LRP2: variants seen among roughly 807,000 people sequenced by gnomAD.
The protein encoded by LRP2 is LDL receptor related protein 2, also known as low-density lipoprotein receptor-related protein 2.
In LRP2, 172 loss-of-function variants were observed where a neutral mutation model predicts 531.0. The observed-to-expected ratio is 0.32, with a 90% CI of 0.29 to 0.37. The LOEUF (loss-of-function observed/expected upper bound fraction) is 0.37. Among genes scored for constraint, LRP2 ranks in the 10% least tolerant of loss-of-function variants. The pLI is 1.00. For synonymous variants in LRP2, 1,992 were observed against 2,027.6 expected (o/e 0.98, Z 0.47); for missense variants, 5,167 against 5,868.3 (o/e 0.88, Z 3.90).
At chr2:169,353,893 A>G (rs926607292) in intron 1 of LRP2, among the ~76,000 whole-genome samples, 5 of 152,208 alleles carry the variant, frequency 3.3e-5, no homozygotes, top group Non-Finnish European at 5.9e-5. Context: ...TGTGGGGTTA[A>G]GCGGAGAGGA....
In LRP2 at chr2:169,176,422, A is replaced by C; in HGVS notation, c.10560T>G (p.Ala3520=). ...AAAGAGAGCCTTACTTTTCATTGTT[A>C]GCGCACAGGAACTGGGTGCTGGAGC... ...PMCSSTQFLC[A]NNEKCIPIWW... The change falls in exon 54 of 79, where the codon GCT becomes GCG. Residue 3520 remains alanine (A), a synonymous_variant. Transcript: ENST00000649046. 6.2e-7 allele frequency: 1 copy of C among 1,614,198 alleles called. No individual in the cohort carries two copies. Among genetic ancestry groups the C allele is most frequent in the Non-Finnish European group, 8.5e-7 (1 of 1,180,026 alleles).
intron 68 of LRP2, among the ~76,000 whole-genome samples, chr2:169,149,148 C>T (rs1686032289): frequency 6.6e-6 from 1 of 152,276 alleles, no homozygotes; most frequent in East Asian, 1.9e-4. Context: ...GGATAGAAAC[C>T]TATGACTAAT....
intron 10 of LRP2, among the ~76,000 whole-genome samples, chr2:169,282,021 C>A (rs1363825798): frequency 6.6e-6 from 1 of 152,088 alleles, no homozygotes; most frequent in Non-Finnish European, 1.5e-5. Context: ...CACTACATAT[C>A]TTCTTATAAT....
chr2:169,207,220 G>A lies in LRP2; in HGVS notation c.6500C>T (p.Ser2167Phe). 1 of 1,614,040 alleles carries A rather than the reference G, an allele frequency of 6.2e-7. No individual in the cohort carries two copies. The highest frequency in any genetic ancestry group is 8.5e-7 in the Non-Finnish European group (1 of 1,179,958). Residue 2167 changes from serine (S) to phenylalanine (F), a missense_variant, in exon 39 of 79, where the codon TCT (serine) becomes TTT (phenylalanine). Ser to Phe is a radical substitution (Grantham distance 155, BLOSUM62 -2). Transcript: ENST00000649046. ...CCGCAGAACTTCTATCAGTGTTTCA[G>A]AAACAAAGGCATTGGTGAAATAAAG... ...GNLYFTNAFV[S>F]ETLIEVLRIN...
chr2:169,312,868 A>G (rs10177180), intron 3 of LRP2, among the ~76,000 whole-genome samples: 49,553 of 152,048 alleles, frequency 0.33, 8,519 homozygotes, highest in African/African-American at 0.45. Flanking sequence ...GTCGTTTCAC[A>G]TAGTCCCATA....
rs1311796528 is a variant in LRP2 at position 169,361,392 on chromosome 2, CTCTG to C, written c.79+925_79+928del. ...TCTCTCTCTCCCTCTCTCTCTCTCTCTCTGTCTCTCTCCTCTCTCTCCTCTCTCT... is the reference window on the plus strand; with the variant it reads ...TCTCTCTCTCCCTCTCTCTCTCTCTCTCTCTCTCCTCTCTCTCCTCTCTCT... On this transcript the variant is annotated intron_variant, in intron 1 of 78. Coordinates refer to ENST00000649046, the MANE Select transcript of LRP2 (RefSeq NM_004525.3). 4.4e-3 allele frequency among the ~76,000 whole-genome samples: 622 copies of C among 141,102 alleles called. 18 individuals carry two copies. Among genetic ancestry groups the C allele is most frequent in the Non-Finnish European group, 4.8e-3 (315 of 65,318 alleles). The allele number at this position is 141,102 out of a possible 152,430, so 92.6% of individuals were successfully genotyped here.
chr2:169,133,615 A>G (rs1048319622), intron 76 of LRP2, among the ~76,000 whole-genome samples: 43 of 152,284 alleles, frequency 2.8e-4, no homozygotes, highest in East Asian at 2.3e-3. Context: ...TAACAATGAC[A>G]GTTATTCATT....
rs34270545 is a variant in LRP2, at chr2:169,316,141, C to CAAAAA, written c.310+2616_310+2620dup. Among the ~76,000 whole-genome samples, 300 of 128,634 alleles carry CAAAAA rather than the reference C, an allele frequency of 2.3e-3. 2 individuals are homozygous for CAAAAA. Among genetic ancestry groups the CAAAAA allele is most frequent in the African/African-American group, 7.9e-3 (280 of 35,484 alleles). The allele number at this position is 128,634 out of a possible 152,430, so 84.4% of individuals were successfully genotyped here. A position where few individuals can be genotyped will look rare whatever the true frequency, so the allele number is the denominator to read the frequency against. On this transcript the variant is annotated intron_variant, in intron 3 of 78. Transcript: ENST00000649046. ...TGGGCAACAGAGCAAGACCCTGTCTCAAAAAAAAAAAAAATCTGTCCTTGC... is the reference window on the plus strand; with the variant it reads ...TGGGCAACAGAGCAAGACCCTGTCTCAAAAAAAAAAAAAAAAAAATCTGTCCTTGC...
chr2:169,239,208 A>C (rs959325751), intron 26 of LRP2, among the ~76,000 whole-genome samples: 1 of 152,244 alleles, frequency 6.6e-6, no homozygotes, highest in African/African-American at 2.4e-5. Context: ...AATTCAATTA[A>C]GCATTATATA....
chr2:169,200,342 T>A (rs1340322303), intron 44 of LRP2, among the ~76,000 whole-genome samples: 1 of 152,190 alleles, frequency 6.6e-6, no homozygotes, highest in Non-Finnish European at 1.5e-5. Context: ...TAAGTAGGAA[T>A]GAGCAACTCA....
Position 169,213,785 on chromosome 2 carries a change from G to T in LRP2, c.5912C>A (p.Ser1971Tyr), listed in dbSNP as rs1427626349. 6.2e-7 allele frequency: 1 copy of T among 1,613,728 alleles called. No homozygotes were observed. Among genetic ancestry groups the T allele is most frequent in the South Asian group, 1.1e-5 (1 of 91,086 alleles). Residue 1971 changes from serine (S) to tyrosine (Y), a missense_variant, in exon 36 of 79, where the codon TCT becomes TAT. Coordinates refer to ENST00000649046, the MANE Select transcript of LRP2 (RefSeq NM_004525.3). ...CTGTTCATCAGTATAATAAAGGAAA[G>T]AATCATGGACTGCAATTCCCCAGGG... The part of the protein sequence containing the change: ...SHPWGIAVHD[S>Y]FLYYTDEQYE...
At chr2:169,139,737 C>G in intron 72 of LRP2, 127 bp from the exon 73 acceptor site, 1 of 828,944 alleles carries the variant, frequency 1.2e-6, no homozygotes, top group Non-Finnish European at 2.1e-6. Context: ...GACAATGTAT[C>G]CTGCATGACT....
chr2:169,326,672 C>T (rs1217254248), intron 1 of LRP2, among the ~76,000 whole-genome samples: 2 of 151,378 alleles, frequency 1.3e-5, no homozygotes, highest in Admixed American at 6.6e-5. Context: ...TCTGCCTGGC[C>T]GCCCATCGTC....
intron 16 of LRP2, among the ~76,000 whole-genome samples, chr2:169,268,951 C>A (rs976727914): frequency 2.6e-5 from 4 of 152,118 alleles, no homozygotes; most frequent in Non-Finnish European, 5.9e-5. Context: ...CATTCCTATA[C>A]ACCAATAACA....
chr2:169,289,451 G>T (rs560080779), intron 8 of LRP2, among the ~76,000 whole-genome samples: 3 of 152,242 alleles, frequency 2.0e-5, no homozygotes, highest in African/African-American at 4.8e-5. Flanking sequence ...CAGCACTTTG[G>T]GAGGCCAAGG....
Position 169,206,838 on chromosome 2 carries a change from A to G in LRP2, c.6882T>C (p.Asp2294=). 6.2e-7 allele frequency: 1 copy of G among 1,614,150 alleles called. No individual in the cohort carries two copies. The highest frequency in any genetic ancestry group is 1.1e-5 in the South Asian group (1 of 91,070). ...CTTGGAAGATCTTTTTCAAATTCCTATCTACCCATATGATAGAATTTTCAA... is the reference window on the plus strand; with the variant it reads ...CTTGGAAGATCTTTTTCAAATTCCTGTCTACCCATATGATAGAATTTTCAA... ...TVFENSIIWV[D]RNLKKIFQAS... is the part of the protein sequence containing the mutation. Residue 2294 remains aspartate (D), a synonymous_variant, in exon 39 of 79, where the codon GAT becomes GAC. Coordinates refer to ENST00000649046, the MANE Select transcript of LRP2 (RefSeq NM_004525.3).
chr2:169,262,743 T>C (rs1476964007), intron 16 of LRP2, among the ~76,000 whole-genome samples: 1 of 149,970 alleles, frequency 6.7e-6, no homozygotes, highest in African/African-American at 2.4e-5. Context: ...TGGAAAAAAC[T>C]ACTTTAAAGC....
In LRP2 at chr2:169,213,715, T is replaced by C. The variant is rs1430677342; in HGVS notation, c.5982A>G (p.Lys1994=). ...TTGGAACATTATCTCTCAAGACTAT[T>C]TTGTTGGCCCCAGTGGCCTTATCAA... is the stretch of plus-strand genomic sequence containing the variant. ...ERVDKATGAN[K]IVLRDNVPNL... The change falls in exon 36 of 79, where the codon AAA becomes AAG. Residue 1994 remains lysine, a synonymous_variant. Coordinates refer to ENST00000649046, the MANE Select transcript of LRP2 (RefSeq NM_004525.3). The C allele has an allele frequency of 1.4e-5, 22 of 1,613,724 alleles. No homozygotes were observed. The highest frequency in any genetic ancestry group is 1.8e-5 in the Non-Finnish European group (21 of 1,179,850).
intron 76 of LRP2, among the ~76,000 whole-genome samples, chr2:169,134,820 G>A (rs977020396): frequency 6.6e-6 from 1 of 152,124 alleles, no homozygotes. Context: ...TCTCAAAGCC[G>A]CTTTACTTCC....
Sources: allele counts gnomAD v4.1 joint callset (sites outside exome capture counted in the v4.1 genomes callset), GRCh38; gene constraint gnomAD v4.1.1; transcripts MANE v1.5; gene names NCBI Gene and HGNC (gene_info 2026-07-23, HGNC 2026-07-21).